Variants in CAND1 observed in about 807,000 individuals in gnomAD.
CAND1 encodes the protein cullin-associated NEDD8-dissociated protein 1.
A neutral mutation model predicts 108.5 loss-of-function variants in CAND1; 7 were observed. That is an observed-to-expected ratio of 0.06 (90% CI 0.04 to 0.12). The LOEUF (loss-of-function observed/expected upper bound fraction) is 0.12, where lower values mean the gene tolerates loss of function less well. CAND1 is among the 10% of genes least tolerant of loss of function. CAND1 has a pLI of 1.00. For synonymous variants in CAND1, 534 were observed against 512.0 expected, an observed-to-expected ratio of 1.04 and a Z score of -0.58; for missense variants, 941 against 1,448.7, an observed-to-expected ratio of 0.65 and a Z score of 5.69.
At chr12:67,295,805 G>GGA (rs1299909048) in intron 4 of CAND1, among the ~76,000 whole-genome samples, 1 of 152,124 alleles carries the variant, frequency 6.6e-6, no homozygotes, top group East Asian at 1.9e-4. Flanking sequence ...TATAAAGTGA[G>GGA]GAGCTATCAT....
chr12:67,271,058 A>T (rs1248275795), intron 1 of CAND1, among the ~76,000 whole-genome samples: 1 of 152,242 alleles, frequency 6.6e-6, no homozygotes, highest in East Asian at 1.9e-4. Context: ...TTATTAAAAT[A>T]ATCAATGACC....
intron 13 of CAND1, chr12:67,310,921 A>G (rs2044942553): frequency 1.3e-5 from 2 of 152,220 alleles, no homozygotes; most frequent in South Asian, 4.2e-4. Context: ...TGAATTTTGC[A>G]TATAAGTGTT....
At chr12:67,282,119 T>A in intron 2 of CAND1, 66 bp downstream of exon 2, 2 of 1,482,758 alleles carry the variant, frequency 1.3e-6, no homozygotes, top group Non-Finnish European at 1.9e-6. Flanking sequence ...AAAAACTCTA[T>A]GATAAGTAGT....
intron 4 of CAND1, among the ~76,000 whole-genome samples, chr12:67,296,460 A>G (rs539304315): frequency 1.3e-5 from 2 of 151,876 alleles, no homozygotes; most frequent in South Asian, 4.2e-4. Flanking sequence ...CTTGAGATGG[A>G]GTCTCACTCT....
rs1399593572 is a variant in CAND1 at position 67,295,061 on chromosome 12, A to C, written c.396A>C (p.Lys132Asn). 6.2e-7 allele frequency: 1 copy of C among 1,612,786 alleles called. No individual in the cohort carries two copies. Among genetic ancestry groups the C allele is most frequent in the Non-Finnish European group, 8.5e-7 (1 of 1,179,258 alleles). ...CTGCATTAGCTGCTAATGTATGTAA[A>C]AAGATTACTGGACGTCTTACAAGTG... is the stretch of plus-strand genomic sequence containing the variant. ...SGSALAANVC[K>N]KITGRLTSAI... Residue 132 changes from lysine to asparagine, a missense_variant, in exon 4 of 15, where the codon AAA becomes AAC. By Grantham distance (94) the Lys-to-Asn change is moderately conservative. This residue lies in a region of CAND1 where 697 missense variants were observed against 942.0 expected (regional missense o/e 0.74). Transcript: ENST00000545606.
intron 4 of CAND1, among the ~76,000 whole-genome samples, chr12:67,296,908 C>G (rs890456999): frequency 6.6e-6 from 1 of 152,132 alleles, no homozygotes; most frequent in Non-Finnish European, 1.5e-5. Context: ...GGTGATCCTC[C>G]CACTTCAGCC....
At position 67,269,634 on chromosome 12, in the gene CAND1, G is replaced by C; in HGVS notation, c.-84G>C. The C allele has an allele frequency of 8.3e-7, 1 of 1,202,706 alleles. No homozygotes were observed. The highest frequency in any genetic ancestry group is 1.3e-5 in the South Asian group (1 of 78,678). The allele number at this position is 1,202,706 out of a possible 1,614,324, so 74.5% of individuals were successfully genotyped here. Reference sequence around the variant, plus strand: ...CGGGAGCCGCCGCGAGCGAGAGGAGGAGCTCCAGTGGCGGCGGCGGCGGCG... The same window carrying C: ...CGGGAGCCGCCGCGAGCGAGAGGAGCAGCTCCAGTGGCGGCGGCGGCGGCG... On this transcript the variant is annotated 5_prime_UTR_variant, in exon 1 of 15. Transcript: ENST00000545606.
chr12:67,277,707 G>A (rs2044582801), intron 1 of CAND1, among the ~76,000 whole-genome samples: 2 of 152,196 alleles, frequency 1.3e-5, no homozygotes, highest in Admixed American at 1.3e-4. Context: ...CCAAATGACT[G>A]TGAAATAGGA....
At chr12:67,271,668 A>C (rs1219612447) in intron 1 of CAND1, among the ~76,000 whole-genome samples, 1 of 152,220 alleles carries the variant, frequency 6.6e-6, no homozygotes, top group Non-Finnish European at 1.5e-5. Context: ...GAATTTGGTA[A>C]AGATTATGTA....
intron 12 of CAND1, 25 bp from the exon 13 acceptor site, chr12:67,310,127 C>T: frequency 3.7e-6 from 6 of 1,610,012 alleles, no homozygotes; most frequent in Non-Finnish European, 5.1e-6. Flanking sequence ...ATTGTATATC[C>T]ACACGTTCTT....
rs2044494130 is a variant in CAND1, at chr12:67,269,457, C to T, written c.-261C>T. 1 of 494,660 alleles carries T rather than the reference C, an allele frequency of 2.0e-6. No homozygotes were observed. The highest frequency in any genetic ancestry group is 3.5e-6 in the Non-Finnish European group (1 of 283,746). The allele number at this position is 494,660 out of a possible 1,614,324, so 30.6% of individuals were successfully genotyped here. A position where few individuals can be genotyped will look rare whatever the true frequency, so the allele number is the denominator to read the frequency against. Reference sequence around the variant, plus strand: ...GAGGCCCTTCTGTACGCCCCGCCGCCCATGAGCTCGTTCTCACGCGAACAG... The same window carrying T: ...GAGGCCCTTCTGTACGCCCCGCCGCTCATGAGCTCGTTCTCACGCGAACAG... On this transcript the variant is annotated 5_prime_UTR_variant, in exon 1 of 15. Transcript: ENST00000545606.
At chr12:67,284,337 A>G (rs7954050) in intron 2 of CAND1, among the ~76,000 whole-genome samples, 15,372 of 152,128 alleles carry the variant, frequency 0.1, 1,542 homozygotes, top group African/African-American at 0.26. Context: ...AATAAAATAT[A>G]GCAGTGTATT....
intron 1 of CAND1, 32 bp downstream of exon 1, chr12:67,269,817 C>G (rs1417088048): frequency 1.3e-6 from 2 of 1,574,988 alleles, no homozygotes; most frequent in African/African-American, 1.4e-5. Context: ...CACCCCACCT[C>G]GGGGTTCTCG....
At position 67,314,365 on chromosome 12, in the gene CAND1, C is replaced by T. The variant is rs1035550522; in HGVS notation, c.*1535C>T. On this transcript the variant is annotated 3_prime_UTR_variant, in exon 15 of 15. Transcript: ENST00000545606. ...GATTAACAGCTTGATTTTGAATGTT[C>T]AGATGATAATGCAGAAGACATCACT... is the stretch of plus-strand genomic sequence containing the variant. The T allele has an allele frequency of 6.6e-6, 1 of 152,132 alleles. No individual in the cohort carries two copies. The highest frequency in any genetic ancestry group is 1.5e-5 in the Non-Finnish European group (1 of 68,010). The allele number at this position is 152,132 out of a possible 1,614,324, so 9.4% of individuals were successfully genotyped here. A position where few individuals can be genotyped will look rare whatever the true frequency, so the allele number is the denominator to read the frequency against.
chr12:67,269,853 G>C, intron 1 of CAND1, 68 bp downstream of exon 1: 1 of 1,386,992 alleles, frequency 7.2e-7, no homozygotes, highest in Non-Finnish European at 1.0e-6. Context: ...CCGTCACGCA[G>C]GCCTTGCCCC....
chr12:67,302,722 A>G (rs1193347244), intron 8 of CAND1, 107 bp downstream of exon 8: 4 of 935,988 alleles, frequency 4.3e-6, no homozygotes, highest in East Asian at 5.1e-5. Context: ...AGAAGCAGAA[A>G]GTTCTAGGAT....
At position 67,311,704 on chromosome 12, in the gene CAND1, T is replaced by C; in HGVS notation, c.3372T>C (p.Phe1124=). Residue 1124 remains phenylalanine, a synonymous_variant, in exon 14 of 15, where the codon TTT becomes TTC. Coordinates refer to ENST00000545606, the MANE Select transcript of CAND1 (RefSeq NM_018448.5). ...KDHYDIKMLT[F]LMLVRLSTLC... is the part of the protein sequence containing the mutation. ...TTTATTCCTAATAGATGCTGACATT[T>C]TTAATGTTGGTGAGACTGTCTACCC... is the stretch of plus-strand genomic sequence containing the variant. 6.2e-7 allele frequency: 1 copy of C among 1,601,816 alleles called. No individual in the cohort carries two copies. Among genetic ancestry groups the C allele is most frequent in the East Asian group, 2.2e-5 (1 of 44,746 alleles).
At chr12:67,300,546 C>G (rs1192553027) in intron 7 of CAND1, among the ~76,000 whole-genome samples, 6 of 152,100 alleles carry the variant, frequency 3.9e-5, no homozygotes, top group Non-Finnish European at 7.4e-5. Flanking sequence ...AGGCCAAAAA[C>G]CTTGCAGTCA....
Position 67,317,519 on chromosome 12 carries a change from G to A in CAND1, c.*4689G>A, listed in dbSNP as rs1209666132. ...TTTGAGATTGATGGAGTCTTGCTTT[G>A]TCTCCCAGGCTGGAGTGCAGTGGCG... is the stretch of plus-strand genomic sequence containing the variant. On this transcript the variant is annotated 3_prime_UTR_variant, in exon 15 of 15. Transcript: ENST00000545606. 1.4e-4 allele frequency: 7 copies of A among 49,210 alleles called. No individual in the cohort carries two copies. Among genetic ancestry groups the A allele is most frequent in the African/African-American group, 6.3e-4 (7 of 11,046 alleles). 3.0% of individuals were successfully genotyped at this position (49,210 alleles called of 1,614,324 possible).
Sources: allele counts gnomAD v4.1 joint callset (sites outside exome capture counted in the v4.1 genomes callset), GRCh38; gene constraint gnomAD v4.1.1; regional missense constraint gnomAD v4.1.1; transcripts MANE v1.5; gene names NCBI Gene and HGNC (gene_info 2026-07-23, HGNC 2026-07-21).